Variants in KDM4C observed in about 807,000 individuals in gnomAD.
KDM4C encodes the protein lysine demethylase 4C, also known as lysine-specific demethylase 4C.
KDM4C carries 81 observed loss-of-function variants against 129.3 expected under a neutral mutation model. That is an observed-to-expected ratio of 0.63 (90% CI 0.52 to 0.75). KDM4C has a LOEUF of 0.75. KDM4C is among the 30% of genes least tolerant of loss of function. The pLI, the probability that KDM4C is intolerant of heterozygous loss-of-function variation, is 0.00. For synonymous variants in KDM4C, 573 were observed against 456.1 expected, an observed-to-expected ratio of 1.26 and a Z score of -3.26; for missense variants, 1,457 against 1,304.0, an observed-to-expected ratio of 1.12 and a Z score of -1.81.
chr9:7,114,609 T>C (rs1374125817), intron 18 of KDM4C, among the ~76,000 whole-genome samples: 2 of 152,202 alleles, frequency 1.3e-5, no homozygotes, highest in East Asian at 1.9e-4. Flanking sequence ...TTGACCCTGA[T>C]TTTTAAAAAA....
chr9:7,122,903 T>A (rs1839657630), intron 18 of KDM4C, among the ~76,000 whole-genome samples: 2 of 152,374 alleles, frequency 1.3e-5, no homozygotes, highest in South Asian at 2.1e-4. Context: ...TGCCCTCGCA[T>A]GATGCCTGTC....
At chr9:6,930,352 A>G (rs1823441469) in intron 8 of KDM4C, among the ~76,000 whole-genome samples, 1 of 152,150 alleles carries the variant, frequency 6.6e-6, no homozygotes, top group Non-Finnish European at 1.5e-5. Context: ...GAATCTTTTT[A>G]TAGAACTCCA....
intron 8 of KDM4C, among the ~76,000 whole-genome samples, chr9:6,929,471 C>CTTTTTTTTTTTTTTTTTTTTTTT (rs59537472): frequency 7.8e-6 from 1 of 127,528 alleles, no homozygotes; most frequent in Admixed American, 8.0e-5. Context: ...TTGACTTTTT[C>CTTTTTTTTTTTTTTTTTTTTTTT]TTTTTTTTTT....
intron 1 of KDM4C, among the ~76,000 whole-genome samples, chr9:6,791,489 A>G (rs944153326): frequency 1.3e-5 from 2 of 152,152 alleles, no homozygotes; most frequent in African/African-American, 2.4e-5. Flanking sequence ...TTCTGTCTCC[A>G]TCGTCATTCT....
chr9:7,089,923 T>G (rs1835598275), intron 17 of KDM4C, among the ~76,000 whole-genome samples: 1 of 152,206 alleles, frequency 6.6e-6, no homozygotes, highest in South Asian at 2.1e-4. Flanking sequence ...TGGGTTCCAT[T>G]CCTAAGCTTG....
chr9:6,977,756 A>T (rs775207035), intron 8 of KDM4C, among the ~76,000 whole-genome samples: 8 of 152,076 alleles, frequency 5.3e-5, no homozygotes, highest in Non-Finnish European at 1.0e-4. Context: ...CAGGAGCTTG[A>T]TGTACACTGC....
intron 2 of KDM4C, among the ~76,000 whole-genome samples, chr9:6,799,642 CTTTTTTT>C (rs1052629844): frequency 1.6e-5 from 2 of 121,510 alleles, no homozygotes; most frequent in Non-Finnish European, 3.6e-5. Context: ...TTTTTCTTTT[CTTTTTTT>C]TTTTTTTTTT....
Position 6,981,031 on chromosome 9 carries a change from T to C in KDM4C, c.1028T>C (p.Ile343Thr), listed in dbSNP as rs374796188. 5.6e-6 allele frequency: 9 copies of C among 1,613,784 alleles called. No homozygotes were observed. The highest frequency in any genetic ancestry group is 7.6e-6 in the Non-Finnish European group (9 of 1,179,848). Residue 343 changes from isoleucine (I) to threonine (T), a missense_variant, in exon 9 of 22, where the codon ATT becomes ACT. Ile to Thr is a moderately conservative substitution (Grantham distance 89, BLOSUM62 -1). Coordinates refer to ENST00000381309, the MANE Select transcript of KDM4C (RefSeq NM_015061.6). Reference protein sequence around the residue: ...LWKQGKDIYTIDHTKPTPAST... With the variant: ...LWKQGKDIYTTDHTKPTPAST... ...AAACAAGGAAAGGATATATACACCATTGATCACACGAAGCCTACTCCAGCA... is the reference window on the plus strand; with the variant it reads ...AAACAAGGAAAGGATATATACACCACTGATCACACGAAGCCTACTCCAGCA...
intron 19 of KDM4C, among the ~76,000 whole-genome samples, chr9:7,155,516 C>T (rs917242786): frequency 6.6e-6 from 1 of 152,072 alleles, no homozygotes; most frequent in African/African-American, 2.4e-5. Flanking sequence ...CATCCCCCCA[C>T]CCCTCAACAG....
rs141434234 is a variant in KDM4C at position 6,788,027 on chromosome 9, C to T, written c.-17-4945C>T. On this transcript the variant is annotated intron_variant, in intron 1 of 21. Transcript: ENST00000381309. The stretch of plus-strand genomic sequence containing the variant: ...TCTCTTTGCTGTTCCTTGAAGAGTC[C>T]GATAGTCTCTTTCCTTGTTGTTCCT... 4.9e-3 allele frequency among the ~76,000 whole-genome samples: 739 copies of T among 152,280 alleles called. 8 individuals are homozygous for T. Among genetic ancestry groups the T allele is most frequent in the African/African-American group, 0.017 (717 of 41,556 alleles).
At chr9:6,835,218 C>T in intron 4 of KDM4C, 1 of 913,956 alleles carries the variant, frequency 1.1e-6, no homozygotes, top group South Asian at 1.3e-5. Flanking sequence ...AGCAGTTCTG[C>T]TGCCCTGAGG....
intron 8 of KDM4C, chr9:6,973,855 T>G (rs1348898524): frequency 6.6e-6 from 1 of 152,230 alleles, no homozygotes; most frequent in Non-Finnish European, 1.5e-5. Context: ...GGAGATGCTG[T>G]GTTTATCTCA....
At chr9:6,996,763 A>G (rs1299047048) in intron 12 of KDM4C, among the ~76,000 whole-genome samples, 1 of 152,208 alleles carries the variant, frequency 6.6e-6, no homozygotes, top group Middle Eastern at 3.2e-3. Context: ...TTAACTGGAA[A>G]TTTATAAGAA....
chr9:6,961,616 G>C (rs1464577142), intron 8 of KDM4C, among the ~76,000 whole-genome samples: 1 of 152,088 alleles, frequency 6.6e-6, no homozygotes, highest in Non-Finnish European at 1.5e-5. Context: ...CTTAAATTAT[G>C]ACTTAACTAA....
intron 8 of KDM4C, among the ~76,000 whole-genome samples, chr9:6,929,117 C>T (rs1823181240): frequency 1.3e-5 from 2 of 152,218 alleles, no homozygotes; most frequent in African/African-American, 4.8e-5. Flanking sequence ...TTTATCTCCT[C>T]ACCCTCAGCT....
At chr9:7,029,384 A>G (rs575197781) in intron 15 of KDM4C, among the ~76,000 whole-genome samples, 15 of 149,224 alleles carry the variant, frequency 1.0e-4, no homozygotes, top group African/African-American at 3.2e-4. Flanking sequence ...ATATACTTTT[A>G]ATTATGAAGG....
rs1817553989 is a variant in KDM4C, at chr9:6,737,303, C to T, written c.49+16306C>T. The stretch of plus-strand genomic sequence containing the variant: ...TATGCATCCAACAAAGGTCTAATAT[C>T]GAGAATCCATAAGGAACTTAAACAA... On this transcript the variant is annotated intron_variant, in intron 1 of 17. Transcript: ENST00000536108. Among the ~76,000 whole-genome samples the T allele has an allele frequency of 2.0e-5, 3 of 152,000 alleles. No individual in the cohort carries two copies. The South Asian group carries it at 6.2e-4, about 32-fold the overall frequency.
chr9:7,020,701 A>G (rs1824650958), intron 15 of KDM4C, among the ~76,000 whole-genome samples: 1 of 152,140 alleles, frequency 6.6e-6, no homozygotes, highest in South Asian at 2.1e-4. Context: ...TTGTAAGTGT[A>G]TATATTTATG....
At chr9:7,118,324 G>A (rs531432112) in intron 18 of KDM4C, among the ~76,000 whole-genome samples, 6 of 152,316 alleles carry the variant, frequency 3.9e-5, no homozygotes, top group African/African-American at 1.2e-4. Context: ...ACGTTTTGAT[G>A]AGTCATATGT....
Sources: gnomAD v4.1 joint callset for allele counts (sites outside exome capture counted in the v4.1 genomes callset) on GRCh38, gnomAD v4.1.1 for gene constraint, MANE v1.5 for transcripts, NCBI Gene and HGNC (gene_info 2026-07-23, HGNC 2026-07-21) for gene names.